The following ZNF469 variants were observed in gnomAD, a reference collection of about 807,000 sequenced individuals.
The protein encoded by ZNF469 is zinc finger protein 469.
ZNF469 carries 1 observed loss-of-function variant against 1.0 expected under a neutral mutation model. That is an observed-to-expected ratio of 1.00 (90% CI 0.35 to 4.73). The LOEUF (loss-of-function observed/expected upper bound fraction) is 4.73. ZNF469 is among the 30% of genes most tolerant of loss of function. The probability of loss-of-function intolerance (pLI) is 0.16; values close to 1 mark genes in which losing one functional copy is unlikely to be tolerated. For missense variants in ZNF469, 6,100 were observed against 5,356.3 expected (o/e 1.14, Z -4.33); for synonymous variants, 2,703 against 2,363.4 (o/e 1.14, Z -4.17).
the ZNF469 span, among the ~76,000 whole-genome samples, chr16:88,318,407 G>A: frequency 6.6e-6 from 1 of 151,854 alleles, no homozygotes; most frequent in East Asian, 1.9e-4. Context: ...GCGGGGAAGA[G>A]CCAGCGGTGT....
the ZNF469 span, among the ~76,000 whole-genome samples, chr16:88,142,982 G>T: frequency 6.6e-5 from 10 of 152,190 alleles, no homozygotes; most frequent in African/African-American, 2.4e-4. Flanking sequence ...GACAAGCAGA[G>T]GTCTCAGTTT....
the ZNF469 span, among the ~76,000 whole-genome samples, chr16:88,166,782 C>A: frequency 6.6e-6 from 1 of 151,488 alleles, no homozygotes; most frequent in African/African-American, 2.4e-5. This position sits in a 1 kb window ranked among gnomAD's most constrained non-coding sequence, Gnocchi z 4.5. Flanking sequence ...AACACACACA[C>A]ACACACACAC....
At chr16:88,128,748 C>T in the ZNF469 span, among the ~76,000 whole-genome samples, 1 of 152,238 alleles carries the variant, frequency 6.6e-6, no homozygotes, top group East Asian at 1.9e-4. Context: ...AGAGCTGGGG[C>T]CCTCCCAGCC....
chr16:88,209,098 G>T, the ZNF469 span, among the ~76,000 whole-genome samples: 2 of 151,954 alleles, frequency 1.3e-5, no homozygotes, highest in East Asian at 3.9e-4. Flanking sequence ...AGAGTCACCT[G>T]CCCCCTCTTT....
the ZNF469 span, among the ~76,000 whole-genome samples, chr16:88,130,910 G>A: frequency 2.4e-4 from 37 of 152,316 alleles, no homozygotes; most frequent in African/African-American, 8.9e-4. Flanking sequence ...AGTGGCCGCG[G>A]GGTGTCGGCA....
chr16:88,254,480 G>A, the ZNF469 span, among the ~76,000 whole-genome samples: 13 of 152,274 alleles, frequency 8.5e-5, no homozygotes, highest in East Asian at 5.8e-4. Context: ...TCTGGCAGCC[G>A]GGCATGGTGG....
chr16:88,232,758 C>A, the ZNF469 span, among the ~76,000 whole-genome samples: 1 of 152,216 alleles, frequency 6.6e-6, no homozygotes, highest in Non-Finnish European at 1.5e-5. Context: ...GGCAGCATTG[C>A]CCAGATTGCA....
chr16:88,218,274 C>G, the ZNF469 span, among the ~76,000 whole-genome samples: 1 of 149,966 alleles, frequency 6.7e-6, no homozygotes, highest in African/African-American at 2.5e-5. Flanking sequence ...ACTTCGCCCA[C>G]TTTTTGATGG....
chr16:88,246,112 T>A, the ZNF469 span, among the ~76,000 whole-genome samples: 1 of 152,280 alleles, frequency 6.6e-6, no homozygotes, highest in Non-Finnish European at 1.5e-5. Flanking sequence ...AGGGCCTCAT[T>A]CATTTATTCT....
chr16:88,113,877 TC>T, the ZNF469 span, among the ~76,000 whole-genome samples: 1 of 152,184 alleles, frequency 6.6e-6, no homozygotes, highest in African/African-American at 2.4e-5. Flanking sequence ...GTGGAGAAGC[TC>T]CCAGGTGTGA....
chr16:88,356,143 C>A, the ZNF469 span, among the ~76,000 whole-genome samples: 1 of 152,198 alleles, frequency 6.6e-6, no homozygotes, highest in African/African-American at 2.4e-5. Context: ...CAAAATCACA[C>A]CCGTACCCTC....
chr16:88,309,549 G>C, the ZNF469 span, among the ~76,000 whole-genome samples: 5 of 144,478 alleles, frequency 3.5e-5, no homozygotes, highest in South Asian at 8.5e-4. Context: ...ACACCTGATG[G>C]GGGGAGTACC....
Position 88,390,793 on chromosome 16 carries a change from C to A in ZNF469, c.-192+7539C>A, listed in dbSNP as rs114467375. Reference sequence around the variant, plus strand: ...GGGTTTTGAACGGTGACTGGGAGTTCTCCAAGCATGCCAGATGGGAGAGGG... The same window carrying A: ...GGGTTTTGAACGGTGACTGGGAGTTATCCAAGCATGCCAGATGGGAGAGGG... On this transcript the variant is annotated intron_variant, in intron 1 of 2. Transcript: ENST00000565624. Among the ~76,000 whole-genome samples the A allele has an allele frequency of 2.0e-3, 306 of 152,270 alleles. 1 individual carries two copies. The highest frequency in any genetic ancestry group is 7.0e-3 in the African/African-American group (291 of 41,558).
chr16:88,412,456 G>A (rs1015990720), intron 1 of ZNF469, among the ~76,000 whole-genome samples: 8 of 152,186 alleles, frequency 5.3e-5, no homozygotes, highest in South Asian at 2.1e-4. Flanking sequence ...CTGCTGCATC[G>A]GAGTTCATGA....
At chr16:88,135,317 C>T in the ZNF469 span, among the ~76,000 whole-genome samples, 1 of 152,272 alleles carries the variant, frequency 6.6e-6, no homozygotes, top group African/African-American at 2.4e-5. Flanking sequence ...CTTTGTTCTA[C>T]TGCTCAATGT....
chr16:88,394,241 G>C (rs943968063), intron 1 of ZNF469, among the ~76,000 whole-genome samples: 3 of 151,458 alleles, frequency 2.0e-5, no homozygotes, highest in Non-Finnish European at 4.4e-5. Context: ...TCCAAGAGGA[G>C]CAGGGTTTGA....
intron 1 of ZNF469, among the ~76,000 whole-genome samples, chr16:88,396,998 C>T (rs530509536): frequency 0.011 from 1,646 of 150,002 alleles, 19 homozygotes; most frequent in South Asian, 0.033. Flanking sequence ...GAAGGGAGGC[C>T]GGGAGGAGAC....
rs1906101713 is a variant in ZNF469 at position 88,430,706 on chromosome 16, G to A, written c.3236G>A (p.Arg1079Lys). The A allele has an allele frequency of 1.4e-6, 2 of 1,479,166 alleles. No individual in the cohort carries two copies. Among genetic ancestry groups the A allele is most frequent in the Non-Finnish European group, 1.8e-6 (2 of 1,124,338 alleles). The allele number at this position is 1,479,166 out of a possible 1,614,324, so 91.6% of individuals were successfully genotyped here. Residue 1079 changes from arginine to lysine, a missense_variant, in exon 3 of 3, where the codon AGG becomes AAG. Transcript: ENST00000565624. ...AGGTGCGGCTCCCTGGCGGCGGGGAGGCCCCGGCCCGGAGCTGAGGACCGC... is the reference window on the plus strand; with the variant it reads ...AGGTGCGGCTCCCTGGCGGCGGGGAAGCCCCGGCCCGGAGCTGAGGACCGC... The part of the protein sequence containing the change: ...AGRCGSLAAG[R>K]PRPGAEDRRL...
rs1294354838 is a variant in ZNF469, at chr16:88,383,103, C to A, written c.-343C>A. ...CCCCGCCCCGAGGCGCAGCGCGCGGCAGAGCGGCTCGGTGCCCGGCGGGCG... is the reference window on the plus strand; with the variant it reads ...CCCCGCCCCGAGGCGCAGCGCGCGGAAGAGCGGCTCGGTGCCCGGCGGGCG... On this transcript the variant is annotated 5_prime_UTR_variant, in exon 1 of 3. Coordinates refer to ENST00000565624, the MANE Select transcript of ZNF469 (RefSeq NM_001367624.2). Among the ~76,000 whole-genome samples the A allele has an allele frequency of 6.7e-6, 1 of 150,006 alleles. No homozygotes were observed. The highest frequency in any genetic ancestry group is 2.4e-5 in the African/African-American group (1 of 41,224).
Sources: allele counts gnomAD v4.1 joint callset (sites outside exome capture counted in the v4.1 genomes callset), GRCh38; gene constraint gnomAD v4.1.1; non-coding constraint Gnocchi (gnomAD v3.1); transcripts MANE v1.5; gene names NCBI Gene and HGNC (gene_info 2026-07-23, HGNC 2026-07-21).